Variants in METTL25 observed in about 807,000 individuals in gnomAD.
The protein encoded by METTL25 is methyltransferase like 25, also known as probable methyltransferase-like protein 25.
In METTL25, 64 loss-of-function variants were observed where a neutral mutation model predicts 71.6. The ratio of observed to expected loss-of-function variants is 0.89; its 90% CI spans 0.73 to 1.10. The LOEUF is 1.10. METTL25 is among the 50% of genes least tolerant of loss of function. METTL25 has a pLI of 0.00. For synonymous variants in METTL25, 287 were observed against 250.3 expected, an observed-to-expected ratio of 1.15 and a Z score of -1.38; for missense variants, 807 against 707.0, an observed-to-expected ratio of 1.14 and a Z score of -1.60.
At chr12:82,388,186 G>A (rs1885233077) in intron 2 of METTL25, among the ~76,000 whole-genome samples, 1 of 152,088 alleles carries the variant, frequency 6.6e-6, no homozygotes, top group Non-Finnish European at 1.5e-5. Flanking sequence ...AAATTAGGAA[G>A]CACATAGAAT....
intron 9 of METTL25, among the ~76,000 whole-genome samples, chr12:82,464,109 A>T (rs903731415): frequency 2.0e-5 from 3 of 151,792 alleles, no homozygotes; most frequent in African/African-American, 7.3e-5. Flanking sequence ...AAGCTTTTTT[A>T]GTTTGATATA....
At chr12:82,405,262 C>G (rs1886996649) in intron 5 of METTL25, among the ~76,000 whole-genome samples, 1 of 152,134 alleles carries the variant, frequency 6.6e-6, no homozygotes, top group African/African-American at 2.4e-5. Flanking sequence ...GCACCTTACT[C>G]TTTCTCCAGA....
chr12:82,404,700 T>C (rs1886929618), intron 5 of METTL25, among the ~76,000 whole-genome samples: 1 of 152,122 alleles, frequency 6.6e-6, no homozygotes, highest in South Asian at 2.1e-4. Context: ...GCCAGCAATT[T>C]GGGAGGCCGA....
chr12:82,474,696 T>G (rs1892780943), intron 9 of METTL25: 1 of 152,182 alleles, frequency 6.6e-6, no homozygotes, highest in South Asian at 2.1e-4. Context: ...CAAACATACT[T>G]ACAATGCATA....
At chr12:82,364,228 G>A (rs1367652287) in intron 1 of METTL25, among the ~76,000 whole-genome samples, 7 of 152,194 alleles carry the variant, frequency 4.6e-5, no homozygotes, top group South Asian at 4.1e-4. Flanking sequence ...AGGCTTGATT[G>A]AGGCTGAAAT....
At chr12:82,465,639 C>G (rs1892182085) in intron 9 of METTL25, among the ~76,000 whole-genome samples, 1 of 151,932 alleles carries the variant, frequency 6.6e-6, no homozygotes, top group Non-Finnish European at 1.5e-5. Flanking sequence ...TAAGAATTCC[C>G]TACACTTTAA....
At chr12:82,387,358 G>A (rs891885001) in intron 2 of METTL25, among the ~76,000 whole-genome samples, 1 of 151,972 alleles carries the variant, frequency 6.6e-6, no homozygotes, top group Non-Finnish European at 1.5e-5. Flanking sequence ...GGAGAAGCAT[G>A]AGTGTCAGAA....
intron 1 of METTL25, among the ~76,000 whole-genome samples, chr12:82,375,447 A>AG (rs1883740121): frequency 2.5e-5 from 1 of 40,146 alleles, no homozygotes; most frequent in Non-Finnish European, 5.4e-5. Context: ...GTGAGGAAAA[A>AG]AAAAAATATA....
intron 9 of METTL25, among the ~76,000 whole-genome samples, chr12:82,474,914 G>A (rs1892795307): frequency 6.6e-6 from 1 of 152,160 alleles, no homozygotes; most frequent in South Asian, 2.1e-4. Context: ...AGGTAAAAGA[G>A]GGATGCAGAA....
At chr12:82,414,011 TATATTA>T (rs1414684214) in intron 5 of METTL25, among the ~76,000 whole-genome samples, 1 of 151,586 alleles carries the variant, frequency 6.6e-6, no homozygotes, top group South Asian at 2.1e-4. Context: ...TTTTCTTAAC[TATATTA>T]ATATTAATAG....
intron 5 of METTL25, among the ~76,000 whole-genome samples, chr12:82,421,224 A>G (rs542314024): frequency 1.6e-4 from 24 of 152,264 alleles, no homozygotes; most frequent in Non-Finnish European, 2.6e-4. Context: ...AATACAAGGG[A>G]GCAAGAGTGG....
chr12:82,378,914 C>A (rs867823867), intron 1 of METTL25, among the ~76,000 whole-genome samples: 13 of 152,090 alleles, frequency 8.5e-5, no homozygotes, highest in African/African-American at 2.9e-4. Context: ...ATGCCCTTAT[C>A]CCAGCTACTT....
intron 9 of METTL25, among the ~76,000 whole-genome samples, chr12:82,466,332 G>GTTTTTTTTT (rs34191300): frequency 6.9e-6 from 1 of 144,484 alleles, no homozygotes; most frequent in Non-Finnish European, 1.5e-5. Context: ...TTCATTCTTA[G>GTTTTTTTTT]TTTTTTTTTT....
At chr12:82,428,820 A>G (rs1344954784) in intron 5 of METTL25, among the ~76,000 whole-genome samples, 3 of 151,906 alleles carry the variant, frequency 2.0e-5, no homozygotes, top group African/African-American at 7.2e-5. Context: ...CCTACTTCAC[A>G]GAATTGTTCT....
chr12:82,392,932 T>A (rs1391864828), intron 3 of METTL25, among the ~76,000 whole-genome samples: 1 of 152,076 alleles, frequency 6.6e-6, no homozygotes, highest in Non-Finnish European at 1.5e-5. Flanking sequence ...GAAAATGAGT[T>A]GGCTGTAAAT....
intron 6 of METTL25, among the ~76,000 whole-genome samples, chr12:82,431,354 C>G (rs1889485779): frequency 6.6e-6 from 1 of 151,452 alleles, no homozygotes; most frequent in Non-Finnish European, 1.5e-5. Context: ...TTAAATAAAA[C>G]ATTTATTGTG....
At chr12:82,411,568 C>T (rs1019681842) in intron 5 of METTL25, among the ~76,000 whole-genome samples, 8 of 151,882 alleles carry the variant, frequency 5.3e-5, no homozygotes, top group Admixed American at 1.3e-4. Flanking sequence ...AAAAAAAGCA[C>T]TGATTCAGCA....
intron 11 of METTL25, 42 bp from the exon 12 acceptor site, chr12:82,478,890 T>C: frequency 6.6e-7 from 1 of 1,517,722 alleles, no homozygotes; most frequent in African/African-American, 1.4e-5. Flanking sequence ...ATTTTTTTCT[T>C]CAACAAATGG....
At position 82,430,898 on chromosome 12, in the gene METTL25, A is replaced by T. The variant is rs1592712560; in HGVS notation, c.1285A>T (p.Thr429Ser). 1.3e-6 allele frequency: 2 copies of T among 1,573,962 alleles called. No individual in the cohort carries two copies. Among genetic ancestry groups the T allele is most frequent in the East Asian group, 4.5e-5 (2 of 44,064 alleles). Residue 429 changes from threonine to serine, a missense_variant, in exon 6 of 12, where the codon ACT becomes TCT. Physicochemically the swap from Thr to Ser is moderately conservative, Grantham distance 58. Coordinates refer to ENST00000248306, the MANE Select transcript of METTL25 (RefSeq NM_032230.3). Reference sequence around the variant, plus strand: ...TATTTTTCCCCCATCTGCAGAACGTACTCAGGAAAAGTGGGGATTTCCAAT... The same window carrying T: ...TATTTTTCCCCCATCTGCAGAACGTTCTCAGGAAAAGTGGGGATTTCCAAT... The part of the protein sequence containing the change: ...EEFENQHKER[T>S]QEKWGFPMCH...
Sources: gnomAD v4.1 joint callset for allele counts (sites outside exome capture counted in the v4.1 genomes callset) on GRCh38, gnomAD v4.1.1 for gene constraint, MANE v1.5 for transcripts, NCBI Gene and HGNC (gene_info 2026-07-23, HGNC 2026-07-21) for gene names.